Variants in IGF1R observed in about 807,000 individuals in gnomAD.
The protein encoded by IGF1R is insulin like growth factor 1 receptor.
In IGF1R, 44 loss-of-function variants were observed where a neutral mutation model predicts 144.6. That is an observed-to-expected ratio of 0.30 (90% CI 0.24 to 0.39). The LOEUF is 0.39. Ranked by LOEUF, IGF1R falls within the 10% of genes least tolerant of loss-of-function variation. The probability of loss-of-function intolerance (pLI) is 1.00; values close to 1 mark genes in which losing one functional copy is unlikely to be tolerated. For synonymous variants in IGF1R, 795 were observed against 722.8 expected, an observed-to-expected ratio of 1.10 and a Z score of -1.60; for missense variants, 1,355 against 1,833.7, an observed-to-expected ratio of 0.74 and a Z score of 4.77.
chr15:98,922,198 C>G lies in IGF1R; in HGVS notation c.2252C>G (p.Ser751Cys). Residue 751 changes from serine to cysteine, a missense_variant, in exon 11 of 21, where the codon TCC (serine) becomes TGC (cysteine). By Grantham distance (112) the Ser-to-Cys change is moderately radical (BLOSUM62 -1). Transcript: ENST00000650285. ...ATGCAAGTGGCCAACACCACCATGTCCAGCCGAAGCAGGAACACCACGGCC... is the reference window on the plus strand; with the variant it reads ...ATGCAAGTGGCCAACACCACCATGTGCAGCCGAAGCAGGAACACCACGGCC... ...DVMQVANTTM[S>C]SRSRNTTAAD... 2 of 1,614,188 alleles carry G rather than the reference C, an allele frequency of 1.2e-6. No individual in the cohort carries two copies. Among genetic ancestry groups the G allele is most frequent in the Non-Finnish European group, 1.7e-6 (2 of 1,180,040 alleles).
At chr15:98,900,922 CT>C (rs545324191) in intron 5 of IGF1R, among the ~76,000 whole-genome samples, 1 of 151,802 alleles carries the variant, frequency 6.6e-6, no homozygotes, top group Non-Finnish European at 1.5e-5. Context: ...TAATGATATA[CT>C]TTTTTGTTTC....
intron 13 of IGF1R, among the ~76,000 whole-genome samples, chr15:98,925,329 A>G (rs1259280114): frequency 1.3e-5 from 2 of 152,254 alleles, no homozygotes; most frequent in Non-Finnish European, 2.9e-5. Flanking sequence ...TTCAGATTTT[A>G]AAACAAATTA....
intron 2 of IGF1R, among the ~76,000 whole-genome samples, chr15:98,881,250 C>T (rs182552027): frequency 2.0e-5 from 3 of 152,082 alleles, no homozygotes; most frequent in Non-Finnish European, 4.4e-5. Context: ...TGGATACATG[C>T]TTAAATGGAA....
intron 2 of IGF1R, among the ~76,000 whole-genome samples, chr15:98,838,688 C>A (rs1346509151): frequency 6.6e-6 from 1 of 152,154 alleles, no homozygotes; most frequent in African/African-American, 2.4e-5. Flanking sequence ...TTCCTAGATC[C>A]CAGTTCCCAG....
chr15:98,916,399 T>A (rs1004024161), intron 9 of IGF1R: 5 of 556,216 alleles, frequency 9.0e-6, no homozygotes, highest in Admixed American at 6.2e-5. Context: ...GTAGCTGGGA[T>A]TACAGGCATG....
At chr15:98,922,050 A>T in intron 10 of IGF1R, 98 bp from the exon 11 acceptor site, 1 of 1,365,222 alleles carries the variant, frequency 7.3e-7, no homozygotes, top group Non-Finnish European at 1.0e-6. Flanking sequence ...AGCTCCTTCT[A>T]TTCCACGGTT....
intron 2 of IGF1R, among the ~76,000 whole-genome samples, chr15:98,760,895 T>C (rs1816331496): frequency 6.6e-6 from 1 of 152,268 alleles, no homozygotes; most frequent in Non-Finnish European, 1.5e-5. Flanking sequence ...GTCGCTCAGC[T>C]CTTCTTGGCC....
intron 19 of IGF1R, among the ~76,000 whole-genome samples, chr15:98,943,483 T>C (rs1348607780): frequency 1.3e-5 from 2 of 152,154 alleles, no homozygotes; most frequent in Non-Finnish European, 2.9e-5. Flanking sequence ...AGCTTATGAG[T>C]CCTGATTGTG....
At chr15:98,670,863 A>G (rs2052871354) in intron 1 of IGF1R, among the ~76,000 whole-genome samples, 1 of 152,154 alleles carries the variant, frequency 6.6e-6, no homozygotes, top group South Asian at 2.1e-4. Flanking sequence ...GTCATCTCAC[A>G]TGACCTGCCG....
intron 1 of IGF1R, among the ~76,000 whole-genome samples, chr15:98,697,619 G>C (rs2053624095): frequency 6.6e-6 from 1 of 152,038 alleles, no homozygotes; most frequent in Admixed American, 6.6e-5. Context: ...TTGGTTCTCG[G>C]TGGTGGACGG....
rs112580583 is a variant in IGF1R at position 98,828,110 on chromosome 15, G to A, written c.641-63215G>A. Among the ~76,000 whole-genome samples the A allele has an allele frequency of 7.9e-3, 1,203 of 152,268 alleles. 19 individuals carry two copies. Among genetic ancestry groups the A allele is most frequent in the African/African-American group, 0.028 (1,155 of 41,518 alleles). On this transcript the variant is annotated intron_variant, in intron 2 of 20. Coordinates refer to ENST00000650285, the MANE Select transcript of IGF1R (RefSeq NM_000875.5). ...GGGCATTCACCCTCTGGTCCAGCGTGCCTGTTACAGTGATCACTCCATAGT... is the reference window on the plus strand; with the variant it reads ...GGGCATTCACCCTCTGGTCCAGCGTACCTGTTACAGTGATCACTCCATAGT...
intron 2 of IGF1R, among the ~76,000 whole-genome samples, chr15:98,838,087 G>A (rs2011118646): frequency 6.6e-6 from 1 of 152,122 alleles, no homozygotes; most frequent in Non-Finnish European, 1.5e-5. Flanking sequence ...ATTTAGTAGA[G>A]TATTATTGGA....
intron 2 of IGF1R, among the ~76,000 whole-genome samples, chr15:98,782,943 A>G (rs1306236428): frequency 1.3e-5 from 2 of 152,234 alleles, no homozygotes; most frequent in African/African-American, 4.8e-5. Flanking sequence ...CTTAAAAATT[A>G]ACCTTTTTGG....
At chr15:98,688,830 G>A (rs1019172925) in intron 1 of IGF1R, among the ~76,000 whole-genome samples, 1 of 152,100 alleles carries the variant, frequency 6.6e-6, no homozygotes, top group African/African-American at 2.4e-5. Context: ...CTTTTTATCA[G>A]ACATCCTGAG....
chr15:98,799,985 T>C (rs2056327824), intron 2 of IGF1R, among the ~76,000 whole-genome samples: 1 of 152,220 alleles, frequency 6.6e-6, no homozygotes, highest in African/African-American at 2.4e-5. Flanking sequence ...ACTCTGTTCT[T>C]ATGTAATTCT....
intron 2 of IGF1R, among the ~76,000 whole-genome samples, chr15:98,855,342 G>A (rs1422307286): frequency 6.6e-6 from 1 of 152,350 alleles, no homozygotes; most frequent in African/African-American, 2.4e-5. Context: ...TCTGGAGAAG[G>A]AAGTAGTAAT....
intron 1 of IGF1R, among the ~76,000 whole-genome samples, chr15:98,678,008 G>A (rs2053091244): frequency 2.0e-5 from 3 of 152,174 alleles, no homozygotes; most frequent in Non-Finnish European, 2.9e-5. Context: ...GTTTCTCAAT[G>A]TGTAAGGCAT....
chr15:98,725,693 C>G (rs1482494207), intron 2 of IGF1R, among the ~76,000 whole-genome samples: 2 of 152,222 alleles, frequency 1.3e-5, no homozygotes. Flanking sequence ...CTGTATTAGT[C>G]TGTTTTCATG....
At chr15:98,662,046 T>C (rs1331026297) in intron 1 of IGF1R, among the ~76,000 whole-genome samples, 2 of 140,630 alleles carry the variant, frequency 1.4e-5, no homozygotes, top group Admixed American at 7.8e-5. Flanking sequence ...CACTGCAACC[T>C]CTGCCTTACT....
Sources: gnomAD v4.1 joint callset for allele counts (sites outside exome capture counted in the v4.1 genomes callset) on GRCh38, gnomAD v4.1.1 for gene constraint, MANE v1.5 for transcripts, NCBI Gene and HGNC (gene_info 2026-07-23, HGNC 2026-07-21) for gene names.